STON2: variants seen among roughly 807,000 people sequenced by gnomAD.
The protein encoded by STON2 is stonin-2.
STON2 carries 29 observed loss-of-function variants against 65.7 expected under a neutral mutation model. The ratio of observed to expected loss-of-function variants is 0.44; its 90% confidence interval spans 0.33 to 0.60. STON2 has a LOEUF of 0.60. Ranked by LOEUF, STON2 falls within the 20% of genes least tolerant of loss-of-function variation. STON2 has a pLI of 0.03. For synonymous variants in STON2, 404 were observed against 414.2 expected (o/e 0.98, Z 0.30); for missense variants, 1,054 against 1,118.1 (o/e 0.94, Z 0.82).
At chr14:81,289,404 G>C (rs986961583) in intron 5 of STON2, among the ~76,000 whole-genome samples, 1 of 152,116 alleles carries the variant, frequency 6.6e-6, no homozygotes, top group Non-Finnish European at 1.5e-5. Flanking sequence ...GGGAATAAGT[G>C]GGGGACTGGT....
At chr14:81,296,120 G>C (rs1051242082) in intron 5 of STON2, among the ~76,000 whole-genome samples, 1 of 152,230 alleles carries the variant, frequency 6.6e-6, no homozygotes, top group African/African-American at 2.4e-5. Flanking sequence ...TACAGTAGTT[G>C]TTGGCAACAT....
intron 5 of STON2, among the ~76,000 whole-genome samples, chr14:81,316,517 G>A (rs1300870473): frequency 6.6e-6 from 1 of 152,072 alleles, no homozygotes; most frequent in East Asian, 1.9e-4. Flanking sequence ...TGCTTGTTTT[G>A]GGAAACAAGG....
chr14:81,368,429 T>C (rs1273596270), intron 4 of STON2, among the ~76,000 whole-genome samples: 1 of 152,176 alleles, frequency 6.6e-6, no homozygotes, highest in Non-Finnish European at 1.5e-5. Flanking sequence ...TAAAAGAGGA[T>C]GGGGCCAGGC....
At chr14:81,388,896 G>A (rs910644718) in intron 3 of STON2, among the ~76,000 whole-genome samples, 6 of 152,126 alleles carry the variant, frequency 3.9e-5, no homozygotes, top group Admixed American at 2.0e-4. Context: ...TAAAACAGCT[G>A]GCTAAGTAAG....
chr14:81,329,582 C>A lies in STON2; in HGVS notation c.572-5395G>T, dbSNP rs193029648. On this transcript the variant is annotated intron_variant, in intron 4 of 7. Coordinates refer to ENST00000614646, the MANE Select transcript of STON2 (RefSeq NM_001394390.1). ...AAGGACTGCCAGCAACTAGAAGAAACCCCACTGACATGTTGACTTTGGATT... is the reference window on the plus strand; with the variant it reads ...AAGGACTGCCAGCAACTAGAAGAAAACCCACTGACATGTTGACTTTGGATT... Among the ~76,000 whole-genome samples, 324 of 152,180 alleles carry A rather than the reference C, an allele frequency of 2.1e-3. 1 individual carries two copies. Among genetic ancestry groups the A allele is most frequent in the Non-Finnish European group, 2.8e-3 (190 of 68,014 alleles).
intron 4 of STON2, among the ~76,000 whole-genome samples, chr14:81,341,561 G>GA (rs1403638901): frequency 2.0e-5 from 3 of 150,902 alleles, no homozygotes; most frequent in African/African-American, 7.4e-5. Flanking sequence ...ATCACTGCTG[G>GA]AAAAAGGGCC....
chr14:81,307,006 G>A (rs139370832), intron 5 of STON2, among the ~76,000 whole-genome samples: 1 of 152,194 alleles, frequency 6.6e-6, no homozygotes, highest in Non-Finnish European at 1.5e-5. Flanking sequence ...TAAAAGTCAA[G>A]TTGATCATGA....
At chr14:81,366,551 C>T (rs910610548) in intron 4 of STON2, among the ~76,000 whole-genome samples, 45 of 152,090 alleles carry the variant, frequency 3.0e-4, no homozygotes, top group Non-Finnish European at 4.0e-4. Flanking sequence ...CCACCCTCTG[C>T]AATGCTAAAG....
At chr14:81,370,404 A>G (rs1391583882) in intron 4 of STON2, among the ~76,000 whole-genome samples, 1 of 152,210 alleles carries the variant, frequency 6.6e-6, no homozygotes, top group Non-Finnish European at 1.5e-5. Flanking sequence ...CCTGCAAAGA[A>G]AGCCAGCATT....
At chr14:81,386,463 C>T (rs1295911097) in intron 3 of STON2, among the ~76,000 whole-genome samples, 2 of 152,154 alleles carry the variant, frequency 1.3e-5, no homozygotes, top group Admixed American at 1.3e-4. Flanking sequence ...CTGACATCAT[C>T]TCTGATCCTC....
chr14:81,325,182 T>G (rs1291287522), intron 4 of STON2, among the ~76,000 whole-genome samples: 4 of 152,192 alleles, frequency 2.6e-5, no homozygotes, highest in Non-Finnish European at 5.9e-5. Context: ...TAGATACCTT[T>G]CCTTAAAGTT....
chr14:81,330,038 G>A (rs1293163434), intron 4 of STON2, among the ~76,000 whole-genome samples: 1 of 152,176 alleles, frequency 6.6e-6, no homozygotes, highest in African/African-American at 2.4e-5. Context: ...CCACGTTGGG[G>A]GAGAAGTACT....
chr14:81,344,678 A>G (rs1293133830), intron 4 of STON2, among the ~76,000 whole-genome samples: 2 of 152,220 alleles, frequency 1.3e-5, no homozygotes, highest in Non-Finnish European at 2.9e-5. Context: ...ACTGACACTG[A>G]CTGCCAAGAA....
intron 2 of STON2, among the ~76,000 whole-genome samples, chr14:81,405,460 G>GTTTTTTTGTT (rs1555407128): frequency 1.6e-5 from 1 of 63,316 alleles, no homozygotes; most frequent in Non-Finnish European, 3.5e-5. Context: ...AGTTACTATT[G>GTTTTTTTGTT]TTTTTTTTTT....
intron 4 of STON2, 119 bp downstream of exon 4, chr14:81,370,869 A>C (rs1595407350): frequency 2.2e-6 from 2 of 892,968 alleles, no homozygotes; most frequent in East Asian, 2.5e-5. Context: ...CTGGATAACA[A>C]CACCTGAACT....
chr14:81,394,719 T>C (rs1247100825), intron 3 of STON2, among the ~76,000 whole-genome samples: 2 of 151,976 alleles, frequency 1.3e-5, no homozygotes, highest in Non-Finnish European at 2.9e-5. Context: ...GCTTTGGAGA[T>C]AGAGGAAGGG....
intron 5 of STON2, among the ~76,000 whole-genome samples, chr14:81,301,120 A>G (rs542445034): frequency 1.3e-5 from 2 of 152,224 alleles, no homozygotes; most frequent in African/African-American, 4.8e-5. Flanking sequence ...TTAATCTCAC[A>G]CCAACCCCAT....
upstream of STON2, among the ~76,000 whole-genome samples, chr14:81,403,192 T>C (rs940395288): frequency 1.3e-5 from 2 of 152,286 alleles, no homozygotes; most frequent in Middle Eastern, 3.4e-3. Context: ...TATTAATACA[T>C]TATTAAATAC....
At chr14:81,377,441 T>C (rs1177437943) in intron 3 of STON2, among the ~76,000 whole-genome samples, 1 of 152,200 alleles carries the variant, frequency 6.6e-6, no homozygotes, top group East Asian at 1.9e-4. Flanking sequence ...CTGTTTTTGG[T>C]TCTTAGCTAT....
Sources: gnomAD v4.1 joint callset for allele counts (sites outside exome capture counted in the v4.1 genomes callset) on GRCh38, gnomAD v4.1.1 for gene constraint, MANE v1.5 for transcripts, NCBI Gene and HGNC (gene_info 2026-07-23, HGNC 2026-07-21) for gene names.